Variants in CHODL observed in about 807,000 individuals in gnomAD.
CHODL encodes the protein chondrolectin.
A neutral mutation model predicts 34.5 loss-of-function variants in CHODL; 29 were observed. The observed-to-expected ratio is 0.84, with a 90% CI of 0.63 to 1.15. The LOEUF is 1.15. Ranked by LOEUF, CHODL falls within the 50% of genes most tolerant of loss-of-function variation. The pLI is 0.00. For missense variants in CHODL, 332 were observed against 332.5 expected, an observed-to-expected ratio of 1.00 and a Z score of 0.01; for synonymous variants, 125 against 116.1, an observed-to-expected ratio of 1.08 and a Z score of -0.49.
At chr21:18,069,539 A>AATATAT (rs71318122) in intron 2 of CHODL, among the ~76,000 whole-genome samples, 27 of 147,444 alleles carry the variant, frequency 1.8e-4, no homozygotes, top group African/African-American at 3.7e-4. Context: ...ATATATGTGG[A>AATATAT]ATATATATAT....
chr21:18,047,972 C>G (rs1216775231), intron 2 of CHODL, among the ~76,000 whole-genome samples: 1 of 151,876 alleles, frequency 6.6e-6, no homozygotes. Context: ...CTTTGTATTG[C>G]TTGTGCTGTA....
At chr21:18,149,290 C>T (rs2072936047) in intron 2 of CHODL, among the ~76,000 whole-genome samples, 1 of 152,156 alleles carries the variant, frequency 6.6e-6, no homozygotes, top group African/African-American at 2.4e-5. Context: ...ACCATCCTCA[C>T]ACACACACTC....
rs576313322 is a variant in CHODL at position 18,094,024 on chromosome 21, GA to G, written c.-45+66059del. ...CACATAGACTGAAAATAAAGACATGGAAAAAAGATATTCTATTCCAATGGAA... is the reference window on the plus strand; with the variant it reads ...CACATAGACTGAAAATAAAGACATGGAAAAAGATATTCTATTCCAATGGAA... On this transcript the variant is annotated intron_variant, in intron 2 of 6. Coordinates refer to the CHODL transcript ENST00000400127. Among the ~76,000 whole-genome samples, 63 of 151,960 alleles carry G rather than the reference GA, an allele frequency of 4.1e-4. No homozygotes were observed. In the South Asian group the frequency reaches 0.012, roughly 29 times the overall value.
At chr21:18,013,683 G>C (rs969393518) in intron 1 of CHODL, among the ~76,000 whole-genome samples, 2 of 114,388 alleles carry the variant, frequency 1.7e-5, no homozygotes, top group African/African-American at 7.2e-5. Context: ...TGCCCAGGCT[G>C]GAGTGCAGTG....
At chr21:18,150,833 C>T (rs1252741227) in intron 2 of CHODL, among the ~76,000 whole-genome samples, 1 of 152,082 alleles carries the variant, frequency 6.6e-6, no homozygotes, top group Non-Finnish European at 1.5e-5. Flanking sequence ...CTTCTGTAAT[C>T]CCAGCACTTT....
At chr21:18,265,231 G>A (rs1342609725) in intron 5 of CHODL, among the ~76,000 whole-genome samples, 1 of 143,478 alleles carries the variant, frequency 7.0e-6, no homozygotes, top group African/African-American at 2.7e-5. Context: ...ATATATATAT[G>A]TGTGTATATA....
At chr21:18,006,386 C>T (rs778905462) in intron 1 of CHODL, among the ~76,000 whole-genome samples, 2 of 152,010 alleles carry the variant, frequency 1.3e-5, no homozygotes, top group African/African-American at 4.8e-5. Flanking sequence ...AAATGTAGCT[C>T]CTTTCCTGAT....
At chr21:18,181,528 G>A (rs538784392) in intron 2 of CHODL, among the ~76,000 whole-genome samples, 1 of 152,138 alleles carries the variant, frequency 6.6e-6, no homozygotes, top group East Asian at 1.9e-4. Context: ...TCAGCCTCCC[G>A]AGTAGCTGGA....
At chr21:17,930,516 C>T (rs2063263889) in intron 1 of CHODL, among the ~76,000 whole-genome samples, 1 of 152,224 alleles carries the variant, frequency 6.6e-6, no homozygotes, top group African/African-American at 2.4e-5. Context: ...GGTCTGCCTG[C>T]CCTTTCCAAA....
At chr21:18,237,602 C>G (rs900994284) in intron 2 of CHODL, among the ~76,000 whole-genome samples, 7 of 152,118 alleles carry the variant, frequency 4.6e-5, no homozygotes, top group Non-Finnish European at 1.0e-4. Flanking sequence ...TCCCTCTTCT[C>G]TCCGACCCTT....
At chr21:18,159,588 T>C (rs1385351513) in intron 2 of CHODL, among the ~76,000 whole-genome samples, 1 of 152,210 alleles carries the variant, frequency 6.6e-6, no homozygotes, top group Non-Finnish European at 1.5e-5. Flanking sequence ...GGATTGTGTT[T>C]AGTATTTTGG....
intron 2 of CHODL, among the ~76,000 whole-genome samples, chr21:18,067,703 T>G (rs1291493222): frequency 6.6e-6 from 1 of 152,212 alleles, no homozygotes; most frequent in African/African-American, 2.4e-5. Flanking sequence ...TCCTTTTTCC[T>G]TCATATTTGA....
chr21:18,197,898 T>G (rs9979829), intron 2 of CHODL, among the ~76,000 whole-genome samples: 2 of 152,076 alleles, frequency 1.3e-5, no homozygotes, highest in Non-Finnish European at 2.9e-5. Context: ...CACATGAGCA[T>G]ATAATTTGCA....
chr21:18,185,687 A>T (rs533565278), intron 2 of CHODL, among the ~76,000 whole-genome samples: 1 of 152,320 alleles, frequency 6.6e-6, no homozygotes, highest in Admixed American at 6.5e-5. Flanking sequence ...ATCCTGTAAT[A>T]AAATATCACA....
rs3984977 is a variant in CHODL, at chr21:18,086,041, C to CTTTTTTTTTT, written c.-45+58087_-45+58096dup. The stretch of plus-strand genomic sequence containing the variant: ...TTCCAGATGTCTTGAAGACTTTGTT[C>CTTTTTTTTTT]TTTTTTTTTTTTTTTTTTTTTTTTT... On this transcript the variant is annotated intron_variant, in intron 2 of 6. Transcript: ENST00000400127. 1.9e-3 allele frequency among the ~76,000 whole-genome samples: 75 copies of CTTTTTTTTTT among 38,744 alleles called. 1 individual carries two copies. Among genetic ancestry groups the CTTTTTTTTTT allele is most frequent in the Admixed American group, 2.5e-3 (7 of 2,846 alleles). The allele number at this position is 38,744 out of a possible 152,430, so 25.4% of individuals were successfully genotyped here. A position where few individuals can be genotyped will look rare whatever the true frequency, so the allele number is the denominator to read the frequency against.
intron 2 of CHODL, among the ~76,000 whole-genome samples, chr21:18,174,152 T>TATATATAA (rs2073273628): frequency 7.9e-6 from 1 of 125,840 alleles, no homozygotes; most frequent in African/African-American, 3.0e-5. Flanking sequence ...TATATATATA[T>TATATATAA]ATATATATAA....
intron 2 of CHODL, among the ~76,000 whole-genome samples, chr21:18,229,851 C>T (rs918041355): frequency 6.6e-6 from 1 of 152,050 alleles, no homozygotes; most frequent in Admixed American, 6.6e-5. Flanking sequence ...TCTTCAGTCC[C>T]AGAATTCAAT....
intron 2 of CHODL, among the ~76,000 whole-genome samples, chr21:18,087,463 G>A (rs566190086): frequency 7.9e-5 from 12 of 152,270 alleles, no homozygotes; most frequent in South Asian, 2.1e-4. Context: ...AAGCAGGGGG[G>A]CACGAAGCTG....
At chr21:18,238,230 C>A (rs1028024674) in intron 2 of CHODL, among the ~76,000 whole-genome samples, 2 of 151,926 alleles carry the variant, frequency 1.3e-5, no homozygotes, top group Admixed American at 6.6e-5. Context: ...TAAACTGATG[C>A]GCATATTAGT....
Sources: gnomAD v4.1 joint callset for allele counts (sites outside exome capture counted in the v4.1 genomes callset) on GRCh38, gnomAD v4.1.1 for gene constraint, MANE v1.5 for transcripts, NCBI Gene and HGNC (gene_info 2026-07-23, HGNC 2026-07-21) for gene names.